The following USP53 variants were observed in gnomAD, a reference collection of about 807,000 sequenced individuals.
USP53 encodes ubiquitin carboxyl-terminal hydrolase 53.
In USP53, 71 loss-of-function variants were observed where a neutral mutation model predicts 94.9. The ratio of observed to expected loss-of-function variants is 0.75; its 90% confidence interval spans 0.62 to 0.91. The LOEUF (loss-of-function observed/expected upper bound fraction) is 0.91, where lower values mean the gene tolerates loss of function less well. Ranked by LOEUF, USP53 falls within the 40% of genes least tolerant of loss-of-function variation. The pLI is 0.00. For missense variants in USP53, 1,173 were observed against 1,281.0 expected, an observed-to-expected ratio of 0.92 and a Z score of 1.29; for synonymous variants, 375 against 422.7, an observed-to-expected ratio of 0.89 and a Z score of 1.39.
chr4:119,292,440 G>A lies in USP53; in HGVS notation c.2451G>A (p.Gln817=), dbSNP rs1182503318. 2 of 1,613,866 alleles carry A rather than the reference G, an allele frequency of 1.2e-6. No individual in the cohort carries two copies. The highest frequency in any genetic ancestry group is 1.7e-6 in the Non-Finnish European group (2 of 1,179,930). ...AREHIHQSDE[Q]KLEKPNECKF... is the part of the protein sequence containing the mutation. ...AACATATCCACCAGTCAGATGAACA[G>A]AAACTTGAAAAACCGAATGAATGCA... Residue 817 remains glutamine, a synonymous_variant, in exon 19 of 19, where the codon CAG becomes CAA. Coordinates refer to ENST00000692078, the MANE Select transcript of USP53 (RefSeq NM_001371395.1).
intron 3 of USP53, chr4:119,220,600 TA>T (rs1341201089): frequency 6.6e-6 from 1 of 152,206 alleles, no homozygotes; most frequent in African/African-American, 2.4e-5. Context: ...TAGGAGAATA[TA>T]AGATCCTTTG....
At chr4:119,292,265 A>T in intron 18 of USP53, 73 bp from the exon 19 acceptor site, 5 of 1,417,794 alleles carry the variant, frequency 3.5e-6, no homozygotes, top group Non-Finnish European at 4.7e-6. Flanking sequence ...ACTACAAAAC[A>T]AATGTTTATT....
rs918314443 is a variant in USP53 at position 119,261,966 on chromosome 4, A to G, written c.972+102A>G. ...TATTCAAAAGGATGATATAATTAAT[A>G]TGTAAAATAGTAATAAATGAACATG... On this transcript the variant is annotated intron_variant, in intron 12 of 18. Coordinates refer to ENST00000692078, the MANE Select transcript of USP53 (RefSeq NM_001371395.1). 36 of 1,004,938 alleles carry G rather than the reference A, an allele frequency of 3.6e-5. 1 individual carries two copies. Among genetic ancestry groups the G allele is most frequent in the Middle Eastern group, 3.6e-4 (1 of 2,788 alleles). The allele number at this position is 1,004,938 out of a possible 1,614,324, so 62.3% of individuals were successfully genotyped here.
intron 7 of USP53, among the ~76,000 whole-genome samples, chr4:119,251,393 G>A (rs146425156): frequency 4.3e-4 from 66 of 152,306 alleles, no homozygotes; most frequent in Non-Finnish European, 8.1e-4. Context: ...ATCCTAGAAT[G>A]ATTTATAATC....
At chr4:119,290,704 G>T (rs1021183421) in intron 17 of USP53, among the ~76,000 whole-genome samples, 6 of 152,094 alleles carry the variant, frequency 3.9e-5, no homozygotes, top group Non-Finnish European at 7.4e-5. Context: ...AGGTAAAATG[G>T]ATTATCATTA....
intron 1 of USP53, among the ~76,000 whole-genome samples, chr4:119,213,721 A>G (rs1326856124): frequency 1.3e-5 from 2 of 148,420 alleles, no homozygotes; most frequent in Non-Finnish European, 3.0e-5. Flanking sequence ...ATCTAAGGCT[A>G]TTTTTGAGGT....
intron 7 of USP53, among the ~76,000 whole-genome samples, chr4:119,255,026 C>A (rs182925768): frequency 2.1e-3 from 313 of 152,306 alleles, no homozygotes; most frequent in African/African-American, 7.2e-3. Flanking sequence ...CACTCCAGAC[C>A]CTGTTTGCCT....
intron 5 of USP53, among the ~76,000 whole-genome samples, chr4:119,242,254 G>A (rs1198857335): frequency 6.6e-6 from 1 of 152,072 alleles, no homozygotes; most frequent in Non-Finnish European, 1.5e-5. Flanking sequence ...GTCAGGTTAT[G>A]GATATTTTTA....
chr4:119,269,780 T>C lies in USP53; in HGVS notation c.1378T>C (p.Ser460Pro). The C allele has an allele frequency of 6.6e-7, 1 of 1,521,730 alleles. No homozygotes were observed. Among genetic ancestry groups the C allele is most frequent in the Non-Finnish European group, 8.8e-7 (1 of 1,135,514 alleles). 94.3% of individuals were successfully genotyped at this position (1,521,730 alleles called of 1,614,324 possible). ...LKAIEQKNLL[S>P]SQRKDLEKGQ... ...AGCTATTGAACAGAAAAACTTACTT[T>C]CTTCACAAAGGAAAGATTTAGAGAA... The change falls in exon 15 of 19, where the codon TCT becomes CCT. Residue 460 changes from serine (S) to proline (P), a missense_variant. Ser to Pro is a moderately conservative substitution (Grantham distance 74). Coordinates refer to ENST00000692078, the MANE Select transcript of USP53 (RefSeq NM_001371395.1).
intron 7 of USP53, among the ~76,000 whole-genome samples, chr4:119,250,730 G>A (rs1344449628): frequency 3.3e-5 from 5 of 152,168 alleles, no homozygotes; most frequent in Non-Finnish European, 2.9e-5. Context: ...CATTGGTTAA[G>A]CTTTGGTAAA....
chr4:119,213,660 A>ATATATATATATATGTGTGTGTGTGTGTG, intron 1 of USP53, among the ~76,000 whole-genome samples: 1 of 117,790 alleles, frequency 8.5e-6, no homozygotes. Context: ...ATATATATAT[A>ATATATATATATATGTGTGTGTGTGTGTG]TGTGTGTGTG....
At chr4:119,249,018 A>C (rs1578471446) in intron 7 of USP53, 136 bp downstream of exon 7, 1 of 1,094,524 alleles carries the variant, frequency 9.1e-7, no homozygotes. Context: ...TCCATATCTT[A>C]CCCATCCTTC....
At chr4:119,255,737 C>T (rs914263881) in intron 7 of USP53, among the ~76,000 whole-genome samples, 6 of 152,144 alleles carry the variant, frequency 3.9e-5, no homozygotes, top group African/African-American at 1.2e-4. Context: ...TGCTTTGGCT[C>T]GCCCTCCGTG....
intron 16 of USP53, 97 bp from the exon 17 acceptor site, chr4:119,273,535 G>A: frequency 1.2e-6 from 1 of 833,248 alleles, no homozygotes. Context: ...AACAGCACAT[G>A]GCATATAATA....
intron 7 of USP53, 87 bp from the exon 8 acceptor site, chr4:119,256,159 T>A (rs1032431069): frequency 1.1e-6 from 1 of 899,014 alleles, no homozygotes; most frequent in African/African-American, 1.7e-5. Flanking sequence ...AAATTTATAC[T>A]TTGGATAATC....
At chr4:119,236,215 A>G (rs1578440472) in intron 4 of USP53, among the ~76,000 whole-genome samples, 1 of 152,224 alleles carries the variant, frequency 6.6e-6, no homozygotes, top group Non-Finnish European at 1.5e-5. Flanking sequence ...ACCACAGTCT[A>G]TTAAGTGTGC....
intron 3 of USP53, among the ~76,000 whole-genome samples, chr4:119,227,203 CT>C (rs1176370984): frequency 6.8e-6 from 1 of 145,998 alleles, no homozygotes; most frequent in African/African-American, 2.5e-5. Context: ...AAAAATGGTG[CT>C]GGAAAATTAG....
intron 5 of USP53, among the ~76,000 whole-genome samples, chr4:119,240,406 C>G (rs1747363238): frequency 6.6e-6 from 1 of 152,112 alleles, no homozygotes; most frequent in Non-Finnish European, 1.5e-5. Flanking sequence ...GAAGGATAAT[C>G]CATTTTGCCT....
intron 2 of USP53, among the ~76,000 whole-genome samples, chr4:119,215,541 A>C (rs927241399): frequency 1.4e-4 from 21 of 152,206 alleles, no homozygotes; most frequent in African/African-American, 5.1e-4. Flanking sequence ...TTGAACCAAA[A>C]GCCCATGATT....
Sources: gnomAD v4.1 joint callset for allele counts (sites outside exome capture counted in the v4.1 genomes callset) on GRCh38, gnomAD v4.1.1 for gene constraint, MANE v1.5 for transcripts, NCBI Gene and HGNC (gene_info 2026-07-23, HGNC 2026-07-21) for gene names.